ENPP4: variants seen among roughly 807,000 people sequenced by gnomAD.
ENPP4 encodes the protein ectonucleotide pyrophosphatase/phosphodiesterase 4.
Under a neutral mutation model 33.4 loss-of-function variants are expected in ENPP4, and 18 were observed. The ratio of observed to expected loss-of-function variants is 0.54; its 90% CI spans 0.37 to 0.80. The LOEUF is 0.80. Among genes scored for constraint, ENPP4 ranks in the 30% least tolerant of loss-of-function variants. The probability of loss-of-function intolerance (pLI) is 0.00; values close to 1 mark genes in which losing one functional copy is unlikely to be tolerated. For missense variants in ENPP4, 480 were observed against 541.7 expected, an observed-to-expected ratio of 0.89 and a Z score of 1.13; for synonymous variants, 172 against 189.9, an observed-to-expected ratio of 0.91 and a Z score of 0.78.
intron 1 of ENPP4, among the ~76,000 whole-genome samples, chr6:46,135,333 T>C (rs921172192): frequency 1.3e-5 from 2 of 152,062 alleles, no homozygotes; most frequent in Non-Finnish European, 2.9e-5. Context: ...CTATCAACAC[T>C]TGTTGTTATC....
chr6:46,130,372 T>C (rs1024764483), intron 1 of ENPP4, among the ~76,000 whole-genome samples, 183 bp downstream of exon 1: 1 of 151,634 alleles, frequency 6.6e-6, no homozygotes, highest in African/African-American at 2.4e-5. Flanking sequence ...GCCAGGGAGG[T>C]GGCGGGCCGA....
chr6:46,137,785 T>G (rs1415548402), intron 1 of ENPP4, among the ~76,000 whole-genome samples: 1 of 151,902 alleles, frequency 6.6e-6, no homozygotes, highest in African/African-American at 2.4e-5. Flanking sequence ...TGTCTCCGAT[T>G]AAAATAGTAG....
At chr6:46,135,192 A>G (rs892554683) in intron 1 of ENPP4, among the ~76,000 whole-genome samples, 2 of 152,100 alleles carry the variant, frequency 1.3e-5, no homozygotes, top group African/African-American at 4.8e-5. Context: ...TCTTGAGCAC[A>G]TACCTAATAG....
At chr6:46,134,359 T>C (rs1763946646) in intron 1 of ENPP4, among the ~76,000 whole-genome samples, 1 of 152,126 alleles carries the variant, frequency 6.6e-6, no homozygotes, top group Non-Finnish European at 1.5e-5. Flanking sequence ...GTACTACTTA[T>C]CCTGAGAACA....
At chr6:46,138,987 G>T (rs914767249) in intron 1 of ENPP4, among the ~76,000 whole-genome samples, 1 of 151,756 alleles carries the variant, frequency 6.6e-6, no homozygotes, top group Admixed American at 6.6e-5. Flanking sequence ...GACTATTGGG[G>T]CACATACAGA....
chr6:46,138,769 T>A (rs1764012922), intron 1 of ENPP4, among the ~76,000 whole-genome samples: 1 of 152,020 alleles, frequency 6.6e-6, no homozygotes, highest in African/African-American at 2.4e-5. Context: ...GCTGTTTTTG[T>A]CATCAGTGAA....
At chr6:46,143,241 A>G (rs1249165644) in intron 3 of ENPP4, 35 bp from the exon 4 acceptor site, 2 of 1,521,562 alleles carry the variant, frequency 1.3e-6, no homozygotes, top group African/African-American at 1.4e-5. Flanking sequence ...AAAAAGTCTG[A>G]TCTTATTGAC....
chr6:46,141,109 T>C lies in ENPP4; in HGVS notation c.884T>C (p.Leu295Pro), dbSNP rs776946504. The C allele has an allele frequency of 1.2e-5, 19 of 1,607,840 alleles. No individual in the cohort carries two copies. In the South Asian group the frequency reaches 2.1e-4, roughly 18 times the overall value. ...TGTAGCCCTCATATGAATGTTTATC[T>C]CAAAGAAGACATTCCTAACAGATTT... is the stretch of plus-strand genomic sequence containing the variant. ...KNCSPHMNVY[L>P]KEDIPNRFYY... The change falls in exon 3 of 4, where the codon CTC becomes CCC. Residue 295 changes from leucine to proline, a missense_variant. Leu to Pro is a moderately conservative substitution (Grantham distance 98, BLOSUM62 -3). This residue lies in a region of ENPP4 where 249 missense variants were observed against 251.8 expected (regional missense o/e 0.99). Coordinates refer to ENST00000321037, the MANE Select transcript of ENPP4 (RefSeq NM_014936.5).
At chr6:46,140,952 A>G in intron 2 of ENPP4, 100 bp from the exon 3 acceptor site, 3 of 710,510 alleles carry the variant, frequency 4.2e-6, no homozygotes, top group Non-Finnish European at 6.8e-6. Flanking sequence ...GATTTAATAG[A>G]TGACATTATC....
rs528220375 is a variant in ENPP4 at position 46,138,693 on chromosome 6, C to T, written c.-33-858C>T. ...GAAGTGAATCATTTTACCTCACTCA[C>T]ATGTCCTATTTTCTTAGAGACCAAA... On this transcript the variant is annotated intron_variant, in intron 1 of 3. Coordinates refer to ENST00000321037, the MANE Select transcript of ENPP4 (RefSeq NM_014936.5). Among the ~76,000 whole-genome samples the T allele has an allele frequency of 1.3e-4, 20 of 151,922 alleles. No homozygotes were observed. The South Asian group carries it at 4.1e-3, about 32-fold the overall frequency.
At position 46,139,919 on chromosome 6, in the gene ENPP4, G is replaced by T; in HGVS notation, c.336G>T (p.Trp112Cys). 1 of 1,612,826 alleles carries T rather than the reference G, an allele frequency of 6.2e-7. No individual in the cohort carries two copies. Among genetic ancestry groups the T allele is most frequent in the Non-Finnish European group, 8.5e-7 (1 of 1,179,142 alleles). Residue 112 changes from tryptophan (W) to cysteine (C), a missense_variant, in exon 2 of 4, where the codon TGG becomes TGT. Physicochemically the swap from Trp to Cys is radical, Grantham distance 215 (BLOSUM62 -2). Coordinates refer to ENST00000321037, the MANE Select transcript of ENPP4 (RefSeq NM_014936.5). The stretch of plus-strand genomic sequence containing the variant: ...ACTCTAATGACAAGGATCCTTTTTG[G>T]TGGAATGAGGCAGTACCTATTTGGG... ...FSDSNDKDPF[W>C]WNEAVPIWVT...
chr6:46,141,568 T>C (rs1445519709), intron 3 of ENPP4, among the ~76,000 whole-genome samples: 1 of 151,634 alleles, frequency 6.6e-6, no homozygotes, highest in African/African-American at 2.4e-5. Context: ...TTCTTTTGTG[T>C]GTTAAAAAAA....
chr6:46,135,114 A>G (rs1438549862), intron 1 of ENPP4, among the ~76,000 whole-genome samples: 2 of 152,014 alleles, frequency 1.3e-5, no homozygotes, highest in African/African-American at 4.8e-5. Context: ...TTTCCACTTG[A>G]TTCTTACAAA....
Position 46,143,461 on chromosome 6 carries a change from T to C in ENPP4, c.1183T>C (p.Leu395=). 1.2e-6 allele frequency: 2 copies of C among 1,612,646 alleles called. No individual in the cohort carries two copies. Among genetic ancestry groups the C allele is most frequent in the Non-Finnish European group, 1.7e-6 (2 of 1,178,948 alleles). The change falls in exon 4 of 4, where the codon TTG becomes CTG. Residue 395 remains leucine (L), a synonymous_variant. Coordinates refer to ENST00000321037, the MANE Select transcript of ENPP4 (RefSeq NM_014936.5). ...TGGGACCTTTGGTCATACTAAGTGC[T>C]TGTTAGTTGACCAGTGGTGCATTAA... is the stretch of plus-strand genomic sequence containing the variant. ...NNGTFGHTKC[L]LVDQWCINLP...
rs1330927656 is a variant in ENPP4 at position 46,130,013 on chromosome 6, G to T, written c.-210G>T. The T allele has an allele frequency of 6.6e-6, 1 of 152,304 alleles. No homozygotes were observed. The highest frequency in any genetic ancestry group is 1.5e-5 in the Non-Finnish European group (1 of 68,112). The allele number at this position is 152,304 out of a possible 1,614,324, so 9.4% of individuals were successfully genotyped here. On this transcript the variant is annotated 5_prime_UTR_variant, in exon 1 of 4. Transcript: ENST00000321037. ...CACTCGGAGCGCCCCGAGCGGCGCAGATAGGGACGTTGGGGCTGTGCCCCG... is the reference window on the plus strand; with the variant it reads ...CACTCGGAGCGCCCCGAGCGGCGCATATAGGGACGTTGGGGCTGTGCCCCG...
At chr6:46,134,507 C>T (rs547933767) in intron 1 of ENPP4, among the ~76,000 whole-genome samples, 5 of 152,138 alleles carry the variant, frequency 3.3e-5, no homozygotes, top group Admixed American at 3.3e-4. Context: ...TGGGAGAGGA[C>T]GGACACAGGT....
intron 1 of ENPP4, among the ~76,000 whole-genome samples, chr6:46,139,087 A>G (rs1457404959): frequency 1.3e-5 from 2 of 151,770 alleles, no homozygotes; most frequent in Non-Finnish European, 3.0e-5. Context: ...ATAAACCAAT[A>G]TGGTAGAATT....
In ENPP4 at chr6:46,142,215, T is replaced by C. The variant is rs999874905; in HGVS notation, c.997+993T>C. ...AGCATAGGAAAGAGAACAAAAACTATCCATAATCCCTCAGTATGGATTTAT... is the reference window on the plus strand; with the variant it reads ...AGCATAGGAAAGAGAACAAAAACTACCCATAATCCCTCAGTATGGATTTAT... On this transcript the variant is annotated intron_variant, in intron 3 of 3. Transcript: ENST00000321037. Among the ~76,000 whole-genome samples, 3 of 149,658 alleles carry C rather than the reference T, an allele frequency of 2.0e-5. No individual in the cohort carries two copies. In the Admixed American group the frequency reaches 2.0e-4, roughly 10 times the overall value.
intron 1 of ENPP4, among the ~76,000 whole-genome samples, 166 bp downstream of exon 1, chr6:46,130,355 T>C (rs1012373386): frequency 7.9e-5 from 12 of 152,136 alleles, no homozygotes; most frequent in African/African-American, 2.7e-4. Context: ...ACGAAGGGAC[T>C]CAAAGAGCCA....
Sources: allele counts gnomAD v4.1 joint callset (sites outside exome capture counted in the v4.1 genomes callset), GRCh38; gene constraint gnomAD v4.1.1; regional missense constraint gnomAD v4.1.1; transcripts MANE v1.5; gene names NCBI Gene and HGNC (gene_info 2026-07-23, HGNC 2026-07-21).